AKR1C2: variants seen among roughly 807,000 people sequenced by gnomAD.
AKR1C2 encodes the protein aldo-keto reductase family 1 member C2.
In AKR1C2, 27 loss-of-function variants were observed where a neutral mutation model predicts 39.8. The observed-to-expected ratio is 0.68, with a 90% CI of 0.50 to 0.93. The LOEUF (loss-of-function observed/expected upper bound fraction) is 0.93, where lower values mean the gene tolerates loss of function less well. Ranked by LOEUF, AKR1C2 falls within the 40% of genes least tolerant of loss-of-function variation. The pLI is 0.00. For missense variants in AKR1C2, 263 were observed against 365.1 expected (o/e 0.72, Z 2.28); for synonymous variants, 114 against 137.9 (o/e 0.83, Z 1.22).
chr10:4,992,610 T>C (rs1257559928), intron 7 of AKR1C2, among the ~76,000 whole-genome samples: 1 of 151,626 alleles, frequency 6.6e-6, no homozygotes, highest in Non-Finnish European at 1.5e-5. Context: ...TTCTATATAT[T>C]AGAAAATCCA....
At chr10:5,002,845 G>A (rs535898515) in intron 1 of AKR1C2, among the ~76,000 whole-genome samples, 3 of 152,114 alleles carry the variant, frequency 2.0e-5, no homozygotes, top group African/African-American at 7.2e-5. Flanking sequence ...AGCTTCAGTG[G>A]TATCCTCATC....
upstream of AKR1C2, among the ~76,000 whole-genome samples, chr10:5,007,948 A>G (rs2895045): frequency 6.7e-6 from 1 of 149,056 alleles, no homozygotes; most frequent in East Asian, 2.0e-4. Context: ...TGCAAAATCA[A>G]CTTCCTTGAC....
intron 1 of AKR1C2, among the ~76,000 whole-genome samples, chr10:5,016,488 C>G (rs1837641827): frequency 6.6e-6 from 1 of 152,220 alleles, no homozygotes; most frequent in Admixed American, 6.5e-5. Context: ...GACTCCATGT[C>G]TCATATCAAG....
At chr10:5,017,151 A>G (rs534332730) in intron 1 of AKR1C2, among the ~76,000 whole-genome samples, 1 of 152,254 alleles carries the variant, frequency 6.6e-6, no homozygotes, top group South Asian at 2.1e-4. Context: ...ATTTTTCCCT[A>G]TTGTCTTGGC....
At chr10:4,994,650 C>T (rs1376019109) in intron 7 of AKR1C2, among the ~76,000 whole-genome samples, 1 of 151,572 alleles carries the variant, frequency 6.6e-6, no homozygotes, top group Non-Finnish European at 1.5e-5. Flanking sequence ...CACAGATGCC[C>T]CAGGGACATC....
intron 8 of AKR1C2, among the ~76,000 whole-genome samples, chr10:4,990,941 G>T (rs531518949): frequency 3.3e-5 from 5 of 150,652 alleles, no homozygotes; most frequent in African/African-American, 1.2e-4. Context: ...CCAAATTTTG[G>T]GTACTTATGA....
intron 1 of AKR1C2, among the ~76,000 whole-genome samples, chr10:5,002,744 G>A (rs1837310209): frequency 6.6e-6 from 1 of 152,156 alleles, no homozygotes; most frequent in Non-Finnish European, 1.5e-5. Context: ...GAAATTACAA[G>A]GAACTAGATA....
chr10:4,990,083 C>T (rs781874425), intron 8 of AKR1C2, 45 bp from the exon 9 acceptor site: 21 of 1,608,390 alleles, frequency 1.3e-5, no homozygotes, highest in Non-Finnish European at 1.7e-5. Flanking sequence ...GCAATGACTC[C>T]GTTACTAGCC....
At chr10:4,992,367 A>AAT (rs1390646295) in intron 7 of AKR1C2, among the ~76,000 whole-genome samples, 1 of 152,230 alleles carries the variant, frequency 6.6e-6, no homozygotes, top group Non-Finnish European at 1.5e-5. Context: ...TAATTGTCTA[A>AAT]ATACTAACGA....
At chr10:5,010,558 G>A (rs115114251) in intron 1 of AKR1C2, 8 of 151,882 alleles carry the variant, frequency 5.3e-5, no homozygotes, top group African/African-American at 1.5e-4. Context: ...CATCTTAAGC[G>A]CTTCTTTCTA....
rs556680647 is a variant in AKR1C2 at position 4,999,263 on chromosome 10, C to G, written c.384G>C (p.Val128=). 6 of 1,603,836 alleles carry G rather than the reference C, an allele frequency of 3.7e-6. No homozygotes were observed. Among genetic ancestry groups the G allele is most frequent in the Non-Finnish European group, 5.1e-6 (6 of 1,174,560 alleles). Residue 128 remains valine (V), a synonymous_variant, in exon 4 of 9, where the codon GTG becomes GTC. Coordinates refer to ENST00000380753, the MANE Select transcript of AKR1C2 (RefSeq NM_001393392.1). ...FPVSVKPGEE[V]IPKDENGKIL... Reference sequence around the variant, plus strand: ...TTTTTCCATTTTCATCTTTTGGGATCACTTCCTCACCTGGCTGAAGTAGAA... The same window carrying G: ...TTTTTCCATTTTCATCTTTTGGGATGACTTCCTCACCTGGCTGAAGTAGAA...
At chr10:5,005,849 G>A (rs548781737), upstream of AKR1C2, 1 of 152,130 alleles carries the variant, frequency 6.6e-6, no homozygotes, top group South Asian at 2.1e-4. Flanking sequence ...GAAAAATATG[G>A]ATTAAGAACT....
At chr10:5,015,524 C>G (rs1371781127) in intron 1 of AKR1C2, among the ~76,000 whole-genome samples, 6 of 152,114 alleles carry the variant, frequency 3.9e-5, no homozygotes, top group Admixed American at 6.5e-5. Flanking sequence ...CTCATTGGTA[C>G]AGCCCAATTA....
chr10:4,998,591 A>C, intron 5 of AKR1C2, 34 bp downstream of exon 5: 1 of 1,612,076 alleles, frequency 6.2e-7, no homozygotes, highest in East Asian at 2.2e-5. Context: ...AGGGGCATGA[A>C]GAACAGAAAG....
rs1836726415 is a variant in AKR1C2, at chr10:4,988,265, A to G, written c.*1731T>C. 6.6e-6 allele frequency: 1 copy of G among 152,336 alleles called. No individual in the cohort carries two copies. The highest frequency in any genetic ancestry group is 2.4e-5 in the African/African-American group (1 of 41,592). 9.4% of individuals were successfully genotyped at this position (152,336 alleles called of 1,614,324 possible). On this transcript the variant is annotated 3_prime_UTR_variant, in exon 9 of 9. Coordinates refer to ENST00000380753, the MANE Select transcript of AKR1C2 (RefSeq NM_001393392.1). Reference sequence around the variant, plus strand: ...TTATGAGATGTGAAATTATCATTCCATAGACTCAGAAAGTTAAGGTAGAAC... The same window carrying G: ...TTATGAGATGTGAAATTATCATTCCGTAGACTCAGAAAGTTAAGGTAGAAC...
At chr10:5,001,989 A>C (rs781923607) in intron 1 of AKR1C2, among the ~76,000 whole-genome samples, 28 of 152,250 alleles carry the variant, frequency 1.8e-4, no homozygotes, top group Non-Finnish European at 4.4e-5. Flanking sequence ...TTACAGACAT[A>C]ATCTTAATTA....
intron 1 of AKR1C2, among the ~76,000 whole-genome samples, chr10:5,015,632 G>A (rs1435761289): frequency 6.6e-6 from 1 of 152,150 alleles, no homozygotes; most frequent in Non-Finnish European, 1.5e-5. Flanking sequence ...CCCAGACAAT[G>A]TAAGGTGTTG....
chr10:5,004,963 A>T (rs1221710598), upstream of AKR1C2: 7 of 148,194 alleles, frequency 4.7e-5, no homozygotes, highest in Admixed American at 4.1e-4. Flanking sequence ...GGATTCTAAG[A>T]TTCCCATATA....
At chr10:4,999,621 T>C in intron 3 of AKR1C2, 1 of 192,180 alleles carries the variant, frequency 5.2e-6, no homozygotes, top group Non-Finnish European at 1.1e-5. Context: ...CCAGATATAA[T>C]GGATTGTACT....
Sources: gnomAD v4.1 joint callset for allele counts (sites outside exome capture counted in the v4.1 genomes callset) on GRCh38, gnomAD v4.1.1 for gene constraint, MANE v1.5 for transcripts, NCBI Gene and HGNC (gene_info 2026-07-23, HGNC 2026-07-21) for gene names.